The following CCDC146 variants were observed in gnomAD, a reference collection of about 807,000 sequenced individuals.
CCDC146 encodes the protein coiled-coil domain-containing protein 146.
A neutral mutation model predicts 119.3 loss-of-function variants in CCDC146; 92 were observed. The ratio of observed to expected loss-of-function variants is 0.77; its 90% confidence interval spans 0.65 to 0.92. The LOEUF is 0.92. Among genes scored for constraint, CCDC146 ranks in the 40% least tolerant of loss-of-function variants. The pLI is 0.00. For synonymous variants in CCDC146, 372 were observed against 371.8 expected (o/e 1.00, Z -0.01); for missense variants, 1,000 against 1,103.0 (o/e 0.91, Z 1.32).
intron 1 of CCDC146, among the ~76,000 whole-genome samples, chr7:77,150,524 T>C (rs1377342150): frequency 1.3e-5 from 2 of 152,192 alleles, no homozygotes; most frequent in Admixed American, 6.5e-5. Context: ...ACAATTTCAC[T>C]AGGATGTCAA....
At chr7:77,278,383 G>T (rs1793691873) in intron 11 of CCDC146, among the ~76,000 whole-genome samples, 1 of 151,036 alleles carries the variant, frequency 6.6e-6, no homozygotes, top group South Asian at 2.1e-4. Flanking sequence ...GGAATTTTCA[G>T]ATCTCTTTTA....
chr7:77,256,301 A>G lies in CCDC146; in HGVS notation c.508-32A>G, dbSNP rs376201997. On this transcript the variant is annotated intron_variant, in intron 5 of 18. Coordinates refer to ENST00000285871, the MANE Select transcript of CCDC146 (RefSeq NM_020879.3). ...AGGTAGATAAATGTTTGCTCAGACT[A>G]TATAACCTAATCATCTTCACGACTT... is the stretch of plus-strand genomic sequence containing the variant. The G allele has an allele frequency of 3.9e-6, 6 of 1,523,814 alleles. No homozygotes were observed. In the African/African-American group the frequency reaches 8.4e-5, roughly 21 times the overall value. 94.4% of individuals were successfully genotyped at this position (1,523,814 alleles called of 1,614,324 possible).
chr7:77,292,486 G>C (rs1197722972), intron 17 of CCDC146, among the ~76,000 whole-genome samples: 1 of 150,992 alleles, frequency 6.6e-6, no homozygotes, highest in East Asian at 1.9e-4. Context: ...GTATGGTGTT[G>C]GGCACTTGTA....
At chr7:77,183,564 G>A (rs1220233352) in intron 2 of CCDC146, among the ~76,000 whole-genome samples, 1 of 151,986 alleles carries the variant, frequency 6.6e-6, no homozygotes, top group Non-Finnish European at 1.5e-5. Context: ...TGATGTCTTT[G>A]CCCATCCTGC....
chr7:77,240,972 G>GTTT (rs146867569), intron 3 of CCDC146, among the ~76,000 whole-genome samples: 1 of 108,640 alleles, frequency 9.2e-6, no homozygotes, highest in Admixed American at 8.7e-5. Flanking sequence ...GACATTTTTT[G>GTTT]TTTTTTTTTG....
At chr7:77,202,593 C>G (rs1181114956) in intron 2 of CCDC146, among the ~76,000 whole-genome samples, 1 of 152,156 alleles carries the variant, frequency 6.6e-6, no homozygotes, top group Non-Finnish European at 1.5e-5. Flanking sequence ...TTGACACTGA[C>G]AGGTGACCTG....
At chr7:77,238,996 C>T (rs34580380) in intron 3 of CCDC146, among the ~76,000 whole-genome samples, 16,066 of 141,898 alleles carry the variant, frequency 0.11, 1,114 homozygotes, top group Non-Finnish European at 0.16. Flanking sequence ...GTGGGAAAAA[C>T]ATGAAGTAGA....
chr7:77,286,075 G>C (rs1188578327), intron 15 of CCDC146, among the ~76,000 whole-genome samples: 3 of 152,180 alleles, frequency 2.0e-5, no homozygotes, highest in Non-Finnish European at 2.9e-5. Context: ...ACCTGAGGCT[G>C]GATAACATAA....
chr7:77,123,980 G>A (rs1252412772), intron 1 of CCDC146, among the ~76,000 whole-genome samples: 1 of 152,118 alleles, frequency 6.6e-6, no homozygotes, highest in East Asian at 1.9e-4. Context: ...TATTTTTTAT[G>A]AAAATTGACA....
chr7:77,139,861 C>CCTT lies in CCDC146; in HGVS notation c.-12+17130_-12+17131insTTC, dbSNP rs1562813045. Among the ~76,000 whole-genome samples, 13 of 148,430 alleles carry CCTT rather than the reference C, an allele frequency of 8.8e-5. No individual in the cohort carries two copies. In the East Asian group the frequency reaches 2.5e-3, roughly 29 times the overall value. On this transcript the variant is annotated intron_variant, in intron 1 of 18. Transcript: ENST00000285871. ...GTCAAAAACAAAAATCAATTCTCTC[C>CCTT]CCTTCCTTCCTTCCTTCCTTCCTTT... is the stretch of plus-strand genomic sequence containing the variant.
chr7:77,182,806 A>T (rs1791609753), intron 2 of CCDC146, among the ~76,000 whole-genome samples: 1 of 152,052 alleles, frequency 6.6e-6, no homozygotes, highest in Non-Finnish European at 1.5e-5. Flanking sequence ...AGAAGAAAAA[A>T]TTTGGATGTG....
At chr7:77,254,646 C>T in intron 5 of CCDC146, 83 bp downstream of exon 5, 2 of 744,804 alleles carry the variant, frequency 2.7e-6, no homozygotes, top group Non-Finnish European at 4.5e-6. Context: ...TTATCACAAC[C>T]ACCATAGCCT....
Position 77,294,863 on chromosome 7 carries a change from C to T in CCDC146, c.2865C>T (p.Ile955=). 6.2e-7 allele frequency: 1 copy of T among 1,613,100 alleles called. No individual in the cohort carries two copies. Among genetic ancestry groups the T allele is most frequent in the Middle Eastern group, 1.8e-4 (1 of 5,654 alleles). ...AACCTGTTATAAAGCCAGTTGAAAT[C>T]TGAATATGTGAACAAATCCAGGCCT... The part of the protein sequence containing the change: ...IRKPVIKPVE[I] The change falls in exon 19 of 19, where the codon ATC becomes ATT. Residue 955 remains isoleucine, a synonymous_variant. Coordinates refer to ENST00000285871, the MANE Select transcript of CCDC146 (RefSeq NM_020879.3).
At position 77,207,280 on chromosome 7, in the gene CCDC146, AT is replaced by A. The variant is rs199899149; in HGVS notation, c.157-29665del. Among the ~76,000 whole-genome samples, 4 of 152,224 alleles carry A rather than the reference AT, an allele frequency of 2.6e-5. No homozygotes were observed. In the East Asian group the frequency reaches 7.7e-4, roughly 29 times the overall value. ...TACTTCTAGTTTGATATTTTGTATG[AT>A]TAAAGACATTTTCTGTTATTTGCAG... On this transcript the variant is annotated intron_variant, in intron 2 of 18. Transcript: ENST00000285871.
chr7:77,151,923 G>A (rs1274246097), intron 1 of CCDC146, among the ~76,000 whole-genome samples: 1 of 152,126 alleles, frequency 6.6e-6, no homozygotes, highest in Non-Finnish European at 1.5e-5. Context: ...TTGTAGTGTA[G>A]TGCTCCCAGC....
intron 2 of CCDC146, among the ~76,000 whole-genome samples, chr7:77,201,476 C>T (rs2150437593): frequency 6.6e-6 from 1 of 151,998 alleles, no homozygotes. Context: ...ATCACTTGAA[C>T]CCAGGAGGTG....
At chr7:77,211,067 A>C (rs183361355) in intron 2 of CCDC146, among the ~76,000 whole-genome samples, 145 of 152,356 alleles carry the variant, frequency 9.5e-4, no homozygotes, top group African/African-American at 3.0e-3. Context: ...GAAGTATATT[A>C]GATATACATT....
chr7:77,160,458 G>T (rs1318260933), intron 1 of CCDC146, among the ~76,000 whole-genome samples: 1 of 152,118 alleles, frequency 6.6e-6, no homozygotes, highest in Non-Finnish European at 1.5e-5. Flanking sequence ...GCAGTGGTTT[G>T]TAGTTCTCCT....
chr7:77,282,406 T>A (rs1457501181), intron 14 of CCDC146, 151 bp from the exon 15 acceptor site: 1 of 609,508 alleles, frequency 1.6e-6, no homozygotes. Flanking sequence ...TGGATGTAAT[T>A]TAACTAGAAA....
Sources: gnomAD v4.1 joint callset for allele counts (sites outside exome capture counted in the v4.1 genomes callset) on GRCh38, gnomAD v4.1.1 for gene constraint, MANE v1.5 for transcripts, NCBI Gene and HGNC (gene_info 2026-07-23, HGNC 2026-07-21) for gene names.